PIK3CA: variants seen among roughly 807,000 people sequenced by gnomAD.
The protein encoded by PIK3CA is phosphatidylinositol-4,5-bisphosphate 3-kinase catalytic subunit alpha, also known as phosphatidylinositol 4,5-bisphosphate 3-kinase catalytic subunit alpha isoform.
In PIK3CA, 27 loss-of-function variants were observed where a neutral mutation model predicts 138.2. The observed-to-expected ratio is 0.20, with a 90% CI of 0.14 to 0.27. The LOEUF (loss-of-function observed/expected upper bound fraction) is 0.27, where lower values mean the gene tolerates loss of function less well. Among genes scored for constraint, PIK3CA ranks in the 10% least tolerant of loss-of-function variants. The probability of loss-of-function intolerance (pLI) is 1.00; values close to 1 mark genes in which losing one functional copy is unlikely to be tolerated. For synonymous variants in PIK3CA, 358 were observed against 413.2 expected (o/e 0.87, Z 1.62); for missense variants, 544 against 1,277.4 (o/e 0.43, Z 8.75).
chr3:179,196,163 T>C (rs1724260998), intron 1 of PIK3CA, among the ~76,000 whole-genome samples: 1 of 152,212 alleles, frequency 6.6e-6, no homozygotes, highest in African/African-American at 2.4e-5. Flanking sequence ...AGGGAACATA[T>C]GAGGGTTCCC....
intron 1 of PIK3CA, among the ~76,000 whole-genome samples, chr3:179,177,312 CTTT>C (rs11328702): frequency 9.9e-5 from 9 of 91,026 alleles, no homozygotes; most frequent in African/African-American, 1.3e-4. Context: ...ATTCTCTTTT[CTTT>C]TTTTTTTTTT....
At chr3:179,155,739 C>T (rs1310534000) in intron 1 of PIK3CA, among the ~76,000 whole-genome samples, 4 of 152,126 alleles carry the variant, frequency 2.6e-5, no homozygotes, top group African/African-American at 9.7e-5. Flanking sequence ...CTCCAATTTT[C>T]CATAGATACC....
chr3:179,199,038 A>G lies in PIK3CA; in HGVS notation c.213A>G (p.Val71=), dbSNP rs879254355. The G allele has an allele frequency of 6.2e-7, 1 of 1,613,652 alleles. No homozygotes were observed. The highest frequency in any genetic ancestry group is 8.5e-7 in the Non-Finnish European group (1 of 1,179,776). ...AAGATGAATCTTCTTACATTTTCGT[A>G]AGTGTTACTCAAGAAGCAGAAAGGG... is the stretch of plus-strand genomic sequence containing the variant. The part of the protein sequence containing the change: ...LLQDESSYIF[V]SVTQEAEREE... The change falls in exon 2 of 21, where the codon GTA becomes GTG. Residue 71 remains valine (V), a synonymous_variant. Transcript: ENST00000263967.
At chr3:179,162,363 C>T (rs115030209) in intron 1 of PIK3CA, among the ~76,000 whole-genome samples, 2,373 of 152,088 alleles carry the variant, frequency 0.016, 33 homozygotes, top group South Asian at 0.068. Context: ...TCACACTCTG[C>T]CACACCCATC....
chr3:179,197,603 A>G (rs1372333217), intron 1 of PIK3CA, among the ~76,000 whole-genome samples: 7 of 152,236 alleles, frequency 4.6e-5, no homozygotes, highest in Non-Finnish European at 1.0e-4. Flanking sequence ...GACAGCACCA[A>G]TGCACTTTTG....
chr3:179,189,427 A>G (rs1160600319), intron 1 of PIK3CA, among the ~76,000 whole-genome samples: 1 of 152,168 alleles, frequency 6.6e-6, no homozygotes, highest in African/African-American at 2.4e-5. Context: ...CTAATAATCT[A>G]AGATCCAAGT....
chr3:179,201,230 A>G, intron 3 of PIK3CA, 60 bp from the exon 4 acceptor site: 1 of 1,429,612 alleles, frequency 7.0e-7, no homozygotes. Flanking sequence ...ACTTGTTGAA[A>G]TTTCTCCCTT....
chr3:179,224,078 C>A lies in PIK3CA; in HGVS notation c.2188-3C>A, dbSNP rs2108416614. ...ACTGTGACTATCCTTTTTTTTTAAT[C>A]AGGTACAGATGAAGTTTTTAGTTGA... On this transcript the variant is annotated splice_region_variant and splice_polypyrimidine_tract_variant and intron_variant, in intron 14 of 20. Transcript: ENST00000263967. 3.3e-6 allele frequency: 5 copies of A among 1,513,864 alleles called. No individual in the cohort carries two copies. The highest frequency in any genetic ancestry group is 4.6e-6 in the Non-Finnish European group (5 of 1,094,872). The allele number at this position is 1,513,864 out of a possible 1,614,324, so 93.8% of individuals were successfully genotyped here. A position where few individuals can be genotyped will look rare whatever the true frequency, so the allele number is the denominator to read the frequency against.
rs189012589 is a variant in PIK3CA, at chr3:179,219,903, G to A, written c.1912-46G>A. On this transcript the variant is annotated intron_variant, in intron 12 of 20. Coordinates refer to ENST00000263967, the MANE Select transcript of PIK3CA (RefSeq NM_006218.4). The surrounding 1 kb of genome is among the most constrained non-coding windows in gnomAD (Gnocchi z 4.2). ...TTTCTGAAAAAATTTTCTTTAGATCGGCCATGCAGAAACTGACCCTGATTT... is the reference window on the plus strand; with the variant it reads ...TTTCTGAAAAAATTTTCTTTAGATCAGCCATGCAGAAACTGACCCTGATTT... The A allele has an allele frequency of 4.3e-5, 68 of 1,587,400 alleles. No individual in the cohort carries two copies. The highest frequency in any genetic ancestry group is 2.7e-4 in the Admixed American group (14 of 52,606).
At chr3:179,186,497 A>T (rs1485577505) in intron 1 of PIK3CA, among the ~76,000 whole-genome samples, 2 of 152,228 alleles carry the variant, frequency 1.3e-5, no homozygotes, top group Admixed American at 1.3e-4. Context: ...TGAAAAGTAG[A>T]GCCCTTTTAT....
At chr3:179,177,312 C>CT (rs11328702) in intron 1 of PIK3CA, among the ~76,000 whole-genome samples, 25 of 91,014 alleles carry the variant, frequency 2.7e-4, no homozygotes, top group East Asian at 3.3e-4. Context: ...ATTCTCTTTT[C>CT]TTTTTTTTTT....
At chr3:179,149,969 C>T (rs932428655) in intron 1 of PIK3CA, among the ~76,000 whole-genome samples, 1 of 150,966 alleles carries the variant, frequency 6.6e-6, no homozygotes, top group East Asian at 1.9e-4. Flanking sequence ...CAACTACAGT[C>T]TTAACAATTT....
rs1411811692 is a variant in PIK3CA at position 179,229,353 on chromosome 3, A to T, written c.2577A>T (p.Gln859His). 2.5e-6 allele frequency: 4 copies of T among 1,613,270 alleles called. No individual in the cohort carries two copies. Among genetic ancestry groups the T allele is most frequent in the Non-Finnish European group, 3.4e-6 (4 of 1,179,590 alleles). ...TGCGAAATTCTCACACTATTATGCA[A>T]ATTCAGTGCAAAGGCGGCTTGAAAG... ...EVVRNSHTIM[Q>H]IQCKGGLKGA... Residue 859 changes from glutamine (Q) to histidine (H), a missense_variant, in exon 18 of 21, where the codon CAA becomes CAT. Gln to His is a conservative substitution (Grantham distance 24). Transcript: ENST00000263967.
chr3:179,162,595 G>A (rs1229906573), intron 1 of PIK3CA, among the ~76,000 whole-genome samples: 2 of 152,048 alleles, frequency 1.3e-5, no homozygotes, highest in African/African-American at 4.8e-5. Context: ...GAATTCTAGA[G>A]TAAATAGATG....
chr3:179,156,030 G>GT (rs1323990498), intron 1 of PIK3CA, among the ~76,000 whole-genome samples: 2 of 152,120 alleles, frequency 1.3e-5, no homozygotes, highest in Admixed American at 6.6e-5. Flanking sequence ...GTTAAAGCCT[G>GT]TTTTTTTATT....
intron 9 of PIK3CA, among the ~76,000 whole-genome samples, chr3:179,213,311 C>A (rs1724762339): frequency 6.6e-6 from 1 of 152,178 alleles, no homozygotes; most frequent in Admixed American, 6.5e-5. Flanking sequence ...TCACATTATA[C>A]TGTCATCTGT....
intron 1 of PIK3CA, among the ~76,000 whole-genome samples, chr3:179,170,367 A>G (rs1723530398): frequency 6.6e-6 from 1 of 152,220 alleles, no homozygotes; most frequent in Non-Finnish European, 1.5e-5. Context: ...AAGTGAAGCC[A>G]ATGTTGGTAA....
intron 1 of PIK3CA, among the ~76,000 whole-genome samples, chr3:179,170,428 T>C (rs1723532602): frequency 6.6e-6 from 1 of 152,246 alleles, no homozygotes. Flanking sequence ...AATACGTTTG[T>C]TCATATATGC....
Position 179,173,831 on chromosome 3 carries a change from A to C in PIK3CA, c.-76-24919A>C, listed in dbSNP as rs527314031. 3.3e-5 allele frequency among the ~76,000 whole-genome samples: 5 copies of C among 151,930 alleles called. No homozygotes were observed. In the East Asian group the frequency reaches 1.0e-3, roughly 31 times the overall value. On this transcript the variant is annotated intron_variant, in intron 1 of 20. Transcript: ENST00000263967. ...AACCTCCGCCTCCCTGGTTCAAGTG[A>C]TTCTTCTGCCTCAGCCTCCCAAGTA... is the stretch of plus-strand genomic sequence containing the variant.
Sources: allele counts gnomAD v4.1 joint callset (sites outside exome capture counted in the v4.1 genomes callset), GRCh38; gene constraint gnomAD v4.1.1; non-coding constraint Gnocchi (gnomAD v3.1); transcripts MANE v1.5; gene names NCBI Gene and HGNC (gene_info 2026-07-23, HGNC 2026-07-21).